The following ZMYM4 variants were observed in gnomAD, a reference collection of about 807,000 sequenced individuals.
ZMYM4 encodes the protein zinc finger MYM-type protein 4.
Under a neutral mutation model 183.2 loss-of-function variants are expected in ZMYM4, and 31 were observed. The ratio of observed to expected loss-of-function variants is 0.17; its 90% CI spans 0.13 to 0.23. The LOEUF is 0.23. ZMYM4 is among the 10% of genes least tolerant of loss of function. The pLI is 1.00. For synonymous variants in ZMYM4, 592 were observed against 631.2 expected (o/e 0.94, Z 0.93); for missense variants, 1,273 against 1,840.3 (o/e 0.69, Z 5.64).
intron 26 of ZMYM4, among the ~76,000 whole-genome samples, chr1:35,409,324 A>G (rs572806865): frequency 6.6e-6 from 1 of 152,316 alleles, no homozygotes; most frequent in South Asian, 2.1e-4. Context: ...TCTTGTAACT[A>G]TGACTGAGTT....
rs372999891 is a variant in ZMYM4, at chr1:35,317,238, G to T, written c.40-8122G>T. On this transcript the variant is annotated intron_variant, in intron 1 of 29. Transcript: ENST00000314607. ...GCCTGAGGTCTGGAGTTCGAGACCA[G>T]CTTGGCCAACATGGTGAAACCCTGT... is the stretch of plus-strand genomic sequence containing the variant. Among the ~76,000 whole-genome samples, 69 of 152,228 alleles carry T rather than the reference G, an allele frequency of 4.5e-4. 1 individual carries two copies. Among genetic ancestry groups the T allele is most frequent in the African/African-American group, 1.6e-3 (67 of 41,536 alleles).
At chr1:35,356,304 A>G (rs1056445887) in intron 2 of ZMYM4, among the ~76,000 whole-genome samples, 7 of 152,202 alleles carry the variant, frequency 4.6e-5, no homozygotes, top group African/African-American at 1.4e-4. Context: ...CTCATGCACT[A>G]TAGAACTCAT....
chr1:35,366,441 A>C (rs1644081839), intron 5 of ZMYM4, among the ~76,000 whole-genome samples: 1 of 152,220 alleles, frequency 6.6e-6, no homozygotes, highest in African/African-American at 2.4e-5. Context: ...ATGTTAAAGA[A>C]ATTAGAAGAA....
intron 9 of ZMYM4, among the ~76,000 whole-genome samples, chr1:35,383,085 G>A (rs1644501165): frequency 6.6e-6 from 1 of 152,144 alleles, no homozygotes; most frequent in Non-Finnish European, 1.5e-5. Flanking sequence ...TTTGTGAATT[G>A]ATGAGGTGTG....
chr1:35,375,585 G>A (rs1644317403), intron 7 of ZMYM4, among the ~76,000 whole-genome samples: 1 of 152,206 alleles, frequency 6.6e-6, no homozygotes, highest in African/African-American at 2.4e-5. Flanking sequence ...TACTGCTACT[G>A]TTGTATACCA....
At chr1:35,313,540 C>T (rs1557979160) in intron 1 of ZMYM4, among the ~76,000 whole-genome samples, 1 of 151,838 alleles carries the variant, frequency 6.6e-6, no homozygotes, top group Admixed American at 6.6e-5. Context: ...AGGCGGGCGT[C>T]ACCACACCCG....
At chr1:35,394,209 C>G (rs934419282) in intron 18 of ZMYM4, among the ~76,000 whole-genome samples, 1 of 136,608 alleles carries the variant, frequency 7.3e-6, no homozygotes, top group South Asian at 2.4e-4. Flanking sequence ...TGCCTCTCCC[C>G]CTAGGCAGAA....
intron 2 of ZMYM4, among the ~76,000 whole-genome samples, chr1:35,355,645 A>C (rs189162755): frequency 1.1e-3 from 169 of 152,108 alleles, no homozygotes; most frequent in Middle Eastern, 3.4e-3. Context: ...ATCTCTAGCC[A>C]TTTTTAAAGT....
intron 15 of ZMYM4, 101 bp from the exon 16 acceptor site, chr1:35,392,111 T>A (rs1644718744): frequency 6.7e-7 from 1 of 1,490,468 alleles, no homozygotes; most frequent in Non-Finnish European, 9.2e-7. Context: ...CCAACAGAAA[T>A]TACTCAAACC....
At chr1:35,279,497 G>C (rs1640037462) in intron 1 of ZMYM4, among the ~76,000 whole-genome samples, 2 of 152,160 alleles carry the variant, frequency 1.3e-5, no homozygotes, top group South Asian at 2.1e-4. Flanking sequence ...CACGTGGCCT[G>C]CTCTCTAGAA....
At chr1:35,272,970 T>C (rs1639693818) in intron 1 of ZMYM4, among the ~76,000 whole-genome samples, 1 of 152,108 alleles carries the variant, frequency 6.6e-6, no homozygotes, top group South Asian at 2.1e-4. Context: ...CGCCTCGGCC[T>C]CCCAAAGTGC....
At chr1:35,370,215 C>A in intron 6 of ZMYM4, 102 bp downstream of exon 6, 1 of 1,504,224 alleles carries the variant, frequency 6.6e-7, no homozygotes, top group Non-Finnish European at 9.0e-7. Flanking sequence ...TCTCTACCCA[C>A]TTAGGATGCC....
chr1:35,324,340 G>A (rs188655966), intron 1 of ZMYM4, among the ~76,000 whole-genome samples: 62 of 151,614 alleles, frequency 4.1e-4, no homozygotes, highest in Middle Eastern at 3.4e-3. Context: ...CTTGTGATCC[G>A]CCCACCTCAG....
chr1:35,355,434 G>A lies in ZMYM4; in HGVS notation c.86-3491G>A, dbSNP rs77804358. Among the ~76,000 whole-genome samples, 31 of 152,072 alleles carry A rather than the reference G, an allele frequency of 2.0e-4. 1 individual carries two copies. In the East Asian group the frequency reaches 5.2e-3, roughly 26 times the overall value. ...CGTTTTATTAGTTTGCATTTCTCTTGTTGAACCTTAGTATTTTGCTCTCTC... is the reference window on the plus strand; with the variant it reads ...CGTTTTATTAGTTTGCATTTCTCTTATTGAACCTTAGTATTTTGCTCTCTC... On this transcript the variant is annotated intron_variant, in intron 2 of 29. Transcript: ENST00000314607.
chr1:35,395,685 G>A (rs895730771), intron 18 of ZMYM4, among the ~76,000 whole-genome samples: 1 of 152,050 alleles, frequency 6.6e-6, no homozygotes, highest in Non-Finnish European at 1.5e-5. Flanking sequence ...TCATAACTGG[G>A]CCTAGGCTAT....
At chr1:35,330,955 G>C (rs535197933) in intron 2 of ZMYM4, among the ~76,000 whole-genome samples, 1 of 152,174 alleles carries the variant, frequency 6.6e-6, no homozygotes, top group Non-Finnish European at 1.5e-5. Flanking sequence ...AACCATGACT[G>C]AAGTTTTTGT....
intron 9 of ZMYM4, among the ~76,000 whole-genome samples, chr1:35,382,148 A>G (rs1236133322): frequency 1.3e-5 from 2 of 149,736 alleles, no homozygotes; most frequent in African/African-American, 4.9e-5. Flanking sequence ...TCCGTCTCAA[A>G]AAAAAAAAAA....
chr1:35,321,760 G>A (rs1321938241), intron 1 of ZMYM4, among the ~76,000 whole-genome samples: 1 of 151,878 alleles, frequency 6.6e-6, no homozygotes, highest in Non-Finnish European at 1.5e-5. Flanking sequence ...TGGGCATGGT[G>A]GTGTGTTCCT....
intron 7 of ZMYM4, among the ~76,000 whole-genome samples, chr1:35,373,759 G>T (rs1489639422): frequency 6.8e-6 from 1 of 146,936 alleles, no homozygotes; most frequent in East Asian, 2.0e-4. Flanking sequence ...GGTTGGTCTC[G>T]ATCTCCTGAC....
Sources: allele counts gnomAD v4.1 joint callset (sites outside exome capture counted in the v4.1 genomes callset), GRCh38; gene constraint gnomAD v4.1.1; transcripts MANE v1.5; gene names NCBI Gene and HGNC (gene_info 2026-07-23, HGNC 2026-07-21).